ADGB: variants seen among roughly 807,000 people sequenced by gnomAD.
ADGB encodes the protein calpain-7-like protein.
ADGB carries 172 observed loss-of-function variants against 210.5 expected under a neutral mutation model. The ratio of observed to expected loss-of-function variants is 0.82; its 90% confidence interval spans 0.72 to 0.93. ADGB has a LOEUF of 0.93. Ranked by LOEUF, ADGB falls within the 40% of genes least tolerant of loss-of-function variation. ADGB has a pLI of 0.00. For missense variants in ADGB, 2,025 were observed against 1,964.8 expected, an observed-to-expected ratio of 1.03 and a Z score of -0.58; for synonymous variants, 658 against 662.7, an observed-to-expected ratio of 0.99 and a Z score of 0.11.
intron 11 of ADGB, 138 bp from the exon 12 acceptor site, chr6:146,692,687 A>C (rs976518512): frequency 6.4e-6 from 3 of 471,990 alleles, no homozygotes; most frequent in African/African-American, 2.0e-5. Context: ...GTATGGTTTT[A>C]CATTCCTATT....
At chr6:146,730,492 T>G (rs1226844714) in intron 20 of ADGB, among the ~76,000 whole-genome samples, 1 of 152,174 alleles carries the variant, frequency 6.6e-6, no homozygotes, top group Non-Finnish European at 1.5e-5. Context: ...TCATCCCAAA[T>G]TCACTTGGTA....
intron 27 of ADGB, among the ~76,000 whole-genome samples, chr6:146,760,631 A>G (rs1562294450): frequency 6.6e-6 from 1 of 151,910 alleles, no homozygotes; most frequent in Non-Finnish European, 1.5e-5. Flanking sequence ...TCAGGAGTTG[A>G]ATTAGTATGT....
At chr6:146,616,886 C>T (rs755065783) in intron 1 of ADGB, among the ~76,000 whole-genome samples, 2 of 152,120 alleles carry the variant, frequency 1.3e-5, no homozygotes, top group Admixed American at 6.5e-5. Context: ...TGTGATGCCT[C>T]GAGCTTTGTC....
At chr6:146,802,709 A>G in intron 35 of ADGB, 1 of 1,251,244 alleles carries the variant, frequency 8.0e-7, no homozygotes, top group Non-Finnish European at 1.1e-6. Flanking sequence ...TCCACAGTTC[A>G]CAGTTCTCAG....
At chr6:146,800,071 G>C (rs1425771477) in intron 33 of ADGB, among the ~76,000 whole-genome samples, 1 of 152,104 alleles carries the variant, frequency 6.6e-6, no homozygotes, top group Non-Finnish European at 1.5e-5. Flanking sequence ...GCCTCCCAAA[G>C]TGTTGGGATT....
At chr6:146,673,403 C>A (rs1049210181) in intron 8 of ADGB, among the ~76,000 whole-genome samples, 6 of 152,096 alleles carry the variant, frequency 3.9e-5, no homozygotes, top group African/African-American at 1.4e-4. Flanking sequence ...TTTCTCAGGG[C>A]CTCTGAGGCT....
chr6:146,708,597 T>A (rs904790563), intron 13 of ADGB, among the ~76,000 whole-genome samples: 1 of 152,130 alleles, frequency 6.6e-6, no homozygotes, highest in Non-Finnish European at 1.5e-5. Flanking sequence ...TTATAACTCC[T>A]TATTTGCTTC....
At chr6:146,675,977 T>A (rs911337112) in intron 8 of ADGB, among the ~76,000 whole-genome samples, 1 of 152,158 alleles carries the variant, frequency 6.6e-6, no homozygotes, top group Non-Finnish European at 1.5e-5. Context: ...TGCTGTGTTT[T>A]GTTTTTATTT....
intron 12 of ADGB, among the ~76,000 whole-genome samples, chr6:146,693,787 A>G (rs965996209): frequency 2.6e-5 from 4 of 152,206 alleles, no homozygotes; most frequent in Non-Finnish European, 4.4e-5. Flanking sequence ...CCTCAATCCA[A>G]TATTTAATTT....
chr6:146,631,810 A>G (rs1781069565), intron 1 of ADGB, among the ~76,000 whole-genome samples: 1 of 152,076 alleles, frequency 6.6e-6, no homozygotes, highest in South Asian at 2.1e-4. Context: ...GCACCTTGCT[A>G]TAATAGGGTG....
intron 3 of ADGB, 57 bp from the exon 4 acceptor site, chr6:146,654,078 A>T: frequency 8.3e-7 from 1 of 1,199,830 alleles, no homozygotes; most frequent in Non-Finnish European, 1.2e-6. Flanking sequence ...TATTTCATTA[A>T]ATTACTTTTT....
chr6:146,636,967 A>G, intron 2 of ADGB, among the ~76,000 whole-genome samples: 1 of 152,054 alleles, frequency 6.6e-6, no homozygotes, highest in East Asian at 1.9e-4. Context: ...AAGTCCAGAG[A>G]AAGGTCTCAC....
At chr6:146,678,907 CTA>C (rs1470416638) in intron 9 of ADGB, among the ~76,000 whole-genome samples, 1 of 152,140 alleles carries the variant, frequency 6.6e-6, no homozygotes, top group African/African-American at 2.4e-5. Flanking sequence ...AATAAAAAGA[CTA>C]GTGTTAATCA....
chr6:146,798,712 G>C (rs1318089715), intron 33 of ADGB, among the ~76,000 whole-genome samples: 1 of 150,936 alleles, frequency 6.6e-6, no homozygotes, highest in Non-Finnish European at 1.5e-5. Flanking sequence ...AGTTTGGCAG[G>C]GTCACATGAT....
chr6:146,727,179 A>G (rs1187648457), intron 19 of ADGB, among the ~76,000 whole-genome samples: 1 of 147,514 alleles, frequency 6.8e-6, no homozygotes, highest in East Asian at 2.0e-4. Context: ...TTTCCTACCA[A>G]AAAAAAAAAA....
rs1244815676 is a variant in ADGB at position 146,701,044 on chromosome 6, AG to A, written c.1682del (p.Ser561IlefsTer3). 6.4e-6 allele frequency: 10 copies of A among 1,550,652 alleles called. 1 individual carries two copies. The Admixed American group carries it at 7.9e-5, about 12-fold the overall frequency. ...TGCAACACATAGCCAGACAGACTTG[AG>A]TCAAATAACAAAAGCTACATCTCAG... ...ETATHSQTDLSQITKATSQGN... is the reference protein window; with the variant it reads ...ETATHSQTDLXQITKATSQGN... On this transcript the variant is annotated frameshift_variant, in exon 13 of 36. Transcript: ENST00000397944. LOFTEE classifies it high-confidence loss of function.
chr6:146,705,982 G>C (rs1776564514), intron 13 of ADGB, among the ~76,000 whole-genome samples: 1 of 151,936 alleles, frequency 6.6e-6, no homozygotes, highest in South Asian at 2.1e-4. Flanking sequence ...GGAGTGCAGT[G>C]GCATGATCAT....
At chr6:146,721,881 G>T (rs1242234076) in intron 17 of ADGB, among the ~76,000 whole-genome samples, 1 of 151,946 alleles carries the variant, frequency 6.6e-6, no homozygotes, top group Non-Finnish European at 1.5e-5. Flanking sequence ...AGAAGACCGT[G>T]GATGGAGGAA....
At position 146,721,812 on chromosome 6, in the gene ADGB, T is replaced by C. The variant is rs1267418671; in HGVS notation, c.2095+307T>C. Among the ~76,000 whole-genome samples, 3 of 152,136 alleles carry C rather than the reference T, an allele frequency of 2.0e-5. No homozygotes were observed. In the East Asian group the frequency reaches 5.8e-4, roughly 29 times the overall value. ...GAGATCGCGCCATTGCACTCCAACC[T>C]GGGCAACAAGAGTGAAACTCTCTCT... On this transcript the variant is annotated intron_variant, in intron 17 of 35. Coordinates refer to ENST00000397944, the MANE Select transcript of ADGB (RefSeq NM_024694.4).
Sources: gnomAD v4.1 joint callset for allele counts (sites outside exome capture counted in the v4.1 genomes callset) on GRCh38, gnomAD v4.1.1 for gene constraint, MANE v1.5 for transcripts, NCBI Gene and HGNC (gene_info 2026-07-23, HGNC 2026-07-21) for gene names.